The following CNTNAP2 variants were observed in gnomAD, a reference collection of about 807,000 sequenced individuals.
CNTNAP2 encodes contactin-associated protein-like 2.
Under a neutral mutation model 155.2 loss-of-function variants are expected in CNTNAP2, and 98 were observed. That is an observed-to-expected ratio of 0.63 (90% CI 0.54 to 0.75). The LOEUF is 0.75. CNTNAP2 is among the 30% of genes least tolerant of loss of function. The pLI is 0.00. For missense variants in CNTNAP2, 1,727 were observed against 1,688.1 expected, an observed-to-expected ratio of 1.02 and a Z score of -0.40; for synonymous variants, 651 against 631.2, an observed-to-expected ratio of 1.03 and a Z score of -0.47.
chr7:148,155,465 T>G (rs1194311121), intron 17 of CNTNAP2, among the ~76,000 whole-genome samples: 1 of 152,152 alleles, frequency 6.6e-6, no homozygotes, highest in African/African-American at 2.4e-5. Context: ...TTTTACAAGC[T>G]GGGATAGGAG....
At chr7:147,417,296 G>T (rs1797210681) in intron 10 of CNTNAP2, among the ~76,000 whole-genome samples, 1 of 152,144 alleles carries the variant, frequency 6.6e-6, no homozygotes, top group South Asian at 2.1e-4. Context: ...GTGGAGGCTG[G>T]GAAGCCTGAG....
chr7:146,401,528 A>G (rs1795713730), intron 1 of CNTNAP2, among the ~76,000 whole-genome samples: 1 of 152,134 alleles, frequency 6.6e-6, no homozygotes, highest in Middle Eastern at 3.2e-3. Context: ...GTTCCTTGGA[A>G]CACTTGTACT....
chr7:148,101,350 A>AGTGTGTGTGTGTGT (rs4015917), intron 15 of CNTNAP2, among the ~76,000 whole-genome samples: 1 of 144,358 alleles, frequency 6.9e-6, no homozygotes, highest in Non-Finnish European at 1.5e-5. Context: ...TAAAAAGTTC[A>AGTGTGTGTGTGTGT]GTGTGTGTGT....
At chr7:147,547,268 A>C (rs1799753952) in intron 11 of CNTNAP2, among the ~76,000 whole-genome samples, 1 of 152,140 alleles carries the variant, frequency 6.6e-6, no homozygotes, top group Non-Finnish European at 1.5e-5. Flanking sequence ...CCTTTCCTTC[A>C]ACTCATCCTA....
At chr7:146,440,427 C>A (rs1639447) in intron 1 of CNTNAP2, among the ~76,000 whole-genome samples, 16,468 of 151,320 alleles carry the variant, frequency 0.11, 1,301 homozygotes, top group African/African-American at 0.16. Context: ...TGACATTCAA[C>A]TTAAAATCCA....
chr7:146,839,523 G>T (rs867518328), intron 2 of CNTNAP2, among the ~76,000 whole-genome samples, 188 bp from the exon 3 acceptor site: 7 of 152,120 alleles, frequency 4.6e-5, no homozygotes, highest in Non-Finnish European at 1.0e-4. Context: ...AGAGGTTAAA[G>T]AATCAATGTT....
intron 1 of CNTNAP2, among the ~76,000 whole-genome samples, chr7:146,699,801 C>T (rs561041139): frequency 6.6e-6 from 1 of 152,130 alleles, no homozygotes; most frequent in South Asian, 2.1e-4. Context: ...AACCCCGTCT[C>T]TACTAAAAAT....
At chr7:147,899,512 T>C (rs917051656) in intron 13 of CNTNAP2, among the ~76,000 whole-genome samples, 1 of 152,186 alleles carries the variant, frequency 6.6e-6, no homozygotes, top group Non-Finnish European at 1.5e-5. Flanking sequence ...AATGCTACAT[T>C]GGACACTTTA....
chr7:147,245,266 AAAATT>A (rs760377628), intron 8 of CNTNAP2, among the ~76,000 whole-genome samples: 59 of 152,310 alleles, frequency 3.9e-4, no homozygotes, highest in Non-Finnish European at 4.7e-4. Flanking sequence ...AAAAAAATAA[AAAATT>A]AAAAATAAAA....
intron 21 of CNTNAP2, among the ~76,000 whole-genome samples, chr7:148,330,703 G>A (rs542109394): frequency 6.6e-6 from 1 of 151,226 alleles, no homozygotes; most frequent in East Asian, 2.0e-4. Flanking sequence ...TGGACGGATG[G>A]AGTGGGTGAA....
chr7:147,113,060 CA>C (rs1316564865), intron 5 of CNTNAP2, among the ~76,000 whole-genome samples: 1 of 152,004 alleles, frequency 6.6e-6, no homozygotes, highest in African/African-American at 2.4e-5. Context: ...GCCTCAATTT[CA>C]GAAGTCATTA....
intron 3 of CNTNAP2, among the ~76,000 whole-genome samples, chr7:146,951,628 G>A (rs1160463333): frequency 6.6e-6 from 1 of 151,996 alleles, no homozygotes; most frequent in African/African-American, 2.4e-5. Flanking sequence ...TATTTCTGAG[G>A]CATCTGTTTG....
chr7:146,137,449 G>T (rs1157390388), intron 1 of CNTNAP2, among the ~76,000 whole-genome samples: 1 of 151,960 alleles, frequency 6.6e-6, no homozygotes, highest in African/African-American at 2.4e-5. Context: ...AATGTCTGTG[G>T]CATTTTTTTT....
intron 1 of CNTNAP2, among the ~76,000 whole-genome samples, chr7:146,560,528 A>G (rs1798265166): frequency 6.6e-6 from 1 of 152,034 alleles, no homozygotes; most frequent in Non-Finnish European, 1.5e-5. Flanking sequence ...ATACATGGCT[A>G]ATTATTTCTC....
At chr7:148,162,880 A>C (rs1313843261) in intron 17 of CNTNAP2, among the ~76,000 whole-genome samples, 3 of 152,184 alleles carry the variant, frequency 2.0e-5, no homozygotes, top group East Asian at 3.8e-4. Context: ...TGTGCCTGTA[A>C]CCCCAGCTAC....
intron 16 of CNTNAP2, among the ~76,000 whole-genome samples, chr7:148,119,138 G>A (rs1235429384): frequency 6.6e-6 from 1 of 152,182 alleles, no homozygotes; most frequent in East Asian, 1.9e-4. Flanking sequence ...TCCACTGGCT[G>A]TGAGAGTCGG....
At chr7:146,905,614 CAAAG>C (rs1287977439) in intron 3 of CNTNAP2, among the ~76,000 whole-genome samples, 4 of 152,134 alleles carry the variant, frequency 2.6e-5, no homozygotes, top group African/African-American at 7.2e-5. Context: ...TTCAGAGACT[CAAAG>C]AAGTCTAATG....
chr7:146,559,934 T>C (rs1435278958), intron 1 of CNTNAP2, among the ~76,000 whole-genome samples: 1 of 152,228 alleles, frequency 6.6e-6, no homozygotes, highest in African/African-American at 2.4e-5. Flanking sequence ...TTTACATATC[T>C]ATACCTTTGT....
intron 1 of CNTNAP2, among the ~76,000 whole-genome samples, chr7:146,495,291 A>G (rs1319339269): frequency 6.6e-6 from 1 of 152,164 alleles, no homozygotes; most frequent in African/African-American, 2.4e-5. Context: ...TAAAGCATAC[A>G]TTACATATTT....
Sources: gnomAD v4.1 joint callset for allele counts (sites outside exome capture counted in the v4.1 genomes callset) on GRCh38, gnomAD v4.1.1 for gene constraint, MANE v1.5 for transcripts, NCBI Gene and HGNC (gene_info 2026-07-23, HGNC 2026-07-21) for gene names.